The following PECAM1 variants were observed in gnomAD, a reference collection of about 807,000 sequenced individuals.
PECAM1 encodes the protein platelet and endothelial cell adhesion molecule 1.
A neutral mutation model predicts 13.8 loss-of-function variants in PECAM1; 8 were observed. That is an observed-to-expected ratio of 0.58 (90% CI 0.34 to 1.05). The LOEUF (loss-of-function observed/expected upper bound fraction) is 1.05, where lower values mean the gene tolerates loss of function less well. Ranked by LOEUF, PECAM1 falls within the 50% of genes least tolerant of loss-of-function variation. The probability of loss-of-function intolerance (pLI) is 0.03; values close to 1 mark genes in which losing one functional copy is unlikely to be tolerated. For synonymous variants in PECAM1, 136 were observed against 52.6 expected (o/e 2.58, Z -6.86); for missense variants, 304 against 141.2 (o/e 2.15, Z -5.84).
Position 64,321,883 on chromosome 17 carries a change from A to T in PECAM1, c.*1933T>A, listed in dbSNP as rs1555644473. 1.5e-6 allele frequency: 2 copies of T among 1,349,718 alleles called. No individual in the cohort carries two copies. The highest frequency in any genetic ancestry group is 4.6e-5 in the East Asian group (1 of 21,886). The allele number at this position is 1,349,718 out of a possible 1,614,324, so 83.6% of individuals were successfully genotyped here. On this transcript the variant is annotated 3_prime_UTR_variant, in exon 16 of 16. Coordinates refer to ENST00000563924, the MANE Select transcript of PECAM1 (RefSeq NM_000442.5). ...CTCTGGTGGTGGCAAGGGACTAAGGAACTCCCTGGACACAGGGGATCTGGC... is the reference window on the plus strand; with the variant it reads ...CTCTGGTGGTGGCAAGGGACTAAGGTACTCCCTGGACACAGGGGATCTGGC...
At chr17:64,380,537 C>A (rs2036460578) in intron 2 of PECAM1, among the ~76,000 whole-genome samples, 1 of 152,172 alleles carries the variant, frequency 6.6e-6, no homozygotes, top group African/African-American at 2.4e-5. Flanking sequence ...GTCTGGTATG[C>A]TTTCTTAGCC....
chr17:64,346,908 G>A, intron 13 of PECAM1, among the ~76,000 whole-genome samples: 1 of 152,180 alleles, frequency 6.6e-6, no homozygotes, highest in East Asian at 1.9e-4. Flanking sequence ...CTTGAAACAT[G>A]CATTTGATTG....
Position 64,348,246 on chromosome 17 carries a change from C to G in PECAM1, c.2107+14G>C. 1 of 475,152 alleles carries G rather than the reference C, an allele frequency of 2.1e-6. No individual in the cohort carries two copies. The highest frequency in any genetic ancestry group is 3.9e-6 in the Non-Finnish European group (1 of 258,978). The allele number at this position is 475,152 out of a possible 1,614,324, so 29.4% of individuals were successfully genotyped here. ...CAAAGGCAATGCCTGGGGACTCACT[C>G]GAGTGGCACTTACCTTTGTGAGACT... On this transcript the variant is annotated intron_variant, in intron 13 of 15. Transcript: ENST00000563924.
chr17:64,334,412 G>T (rs2035212850), intron 14 of PECAM1, among the ~76,000 whole-genome samples: 1 of 152,170 alleles, frequency 6.6e-6, no homozygotes, highest in Non-Finnish European at 1.5e-5. Context: ...AATGCTGCAT[G>T]CTAGAAGATG....
chr17:64,345,761 G>A (rs1342918353), intron 13 of PECAM1, among the ~76,000 whole-genome samples: 15 of 150,844 alleles, frequency 9.9e-5, no homozygotes, highest in Admixed American at 4.6e-4. Context: ...GGCCTGCCGC[G>A]TTCCCCACCC....
At chr17:64,346,891 T>C (rs2143756135) in intron 13 of PECAM1, among the ~76,000 whole-genome samples, 1 of 152,192 alleles carries the variant, frequency 6.6e-6, no homozygotes, top group East Asian at 1.9e-4. Flanking sequence ...GGCAAAGCAC[T>C]CGATATCTTG....
At chr17:64,353,686 T>C (rs1372412306) in intron 9 of PECAM1, among the ~76,000 whole-genome samples, 168 bp from the exon 10 acceptor site, 1 of 152,134 alleles carries the variant, frequency 6.6e-6, no homozygotes, top group Non-Finnish European at 1.5e-5. Flanking sequence ...TCTTTTCAGC[T>C]ACGTTTGACT....
At chr17:64,371,649 G>A (rs1198386735) in intron 4 of PECAM1, among the ~76,000 whole-genome samples, 2 of 152,174 alleles carry the variant, frequency 1.3e-5, no homozygotes, top group African/African-American at 2.4e-5. Flanking sequence ...GGCCAAGATG[G>A]TGAAACCCCG....
chr17:64,323,730 G>A lies in PECAM1; in HGVS notation c.*86C>T, dbSNP rs958002615. ...GGGAGCAGGGCAGGTTCATAAATAA[G>A]TGCACAGAGGTCTTGAAATACAGGG... On this transcript the variant is annotated 3_prime_UTR_variant, in exon 16 of 16. Coordinates refer to ENST00000563924, the MANE Select transcript of PECAM1 (RefSeq NM_000442.5). 35 of 1,412,376 alleles carry A rather than the reference G, an allele frequency of 2.5e-5. No individual in the cohort carries two copies. Among genetic ancestry groups the A allele is most frequent in the Middle Eastern group, 1.7e-4 (1 of 5,752 alleles). 87.5% of individuals were successfully genotyped at this position (1,412,376 alleles called of 1,614,324 possible).
intron 15 of PECAM1, among the ~76,000 whole-genome samples, chr17:64,327,685 T>G (rs180992542): frequency 6.6e-6 from 1 of 152,256 alleles, no homozygotes; most frequent in East Asian, 1.9e-4. Flanking sequence ...ACACACACAA[T>G]TTATAAACAA....
At chr17:64,362,655 A>AAAAT (rs112469980) in intron 6 of PECAM1, among the ~76,000 whole-genome samples, 9,382 of 150,618 alleles carry the variant, frequency 0.062, 990 homozygotes, top group African/African-American at 0.22. Context: ...GCATCTCAAA[A>AAAAT]AAATAAATAA....
At chr17:64,361,129 A>ATGTGTGTGTGTG (rs145637288) in intron 6 of PECAM1, among the ~76,000 whole-genome samples, 4,536 of 137,172 alleles carry the variant, frequency 0.033, 240 homozygotes, top group African/African-American at 0.11. Context: ...CTGAGCATAT[A>ATGTGTGTGTGTG]TGTGTGTGTG....
At chr17:64,354,491 G>A (rs1290862375) in intron 9 of PECAM1, among the ~76,000 whole-genome samples, 3 of 152,128 alleles carry the variant, frequency 2.0e-5, no homozygotes, top group Admixed American at 6.6e-5. Flanking sequence ...CTGATGCTCT[G>A]CCCTTTTCCT....
In PECAM1 at chr17:64,323,588, G is replaced by A; in HGVS notation, c.*228C>T. ...ATTTCCAAGGATGTTCCAACTTGGT[G>A]GAAGGAGGGTATGTGGGAAATTCAA... On this transcript the variant is annotated 3_prime_UTR_variant, in exon 16 of 16. Transcript: ENST00000563924. 7.0e-7 allele frequency: 1 copy of A among 1,423,788 alleles called. No homozygotes were observed. Among genetic ancestry groups the A allele is most frequent in the Non-Finnish European group, 9.2e-7 (1 of 1,092,382 alleles). 88.2% of individuals were successfully genotyped at this position (1,423,788 alleles called of 1,614,324 possible). A position where few individuals can be genotyped will look rare whatever the true frequency, so the allele number is the denominator to read the frequency against.
Position 64,323,215 on chromosome 17 carries a change from G to C in PECAM1, c.*601C>G, listed in dbSNP as rs6808. On this transcript the variant is annotated 3_prime_UTR_variant, in exon 16 of 16. Transcript: ENST00000563924. ...TGTTTTGTGCGTTGCCTGAATGAACGGTGTCTTCAGGTTGGTATTTCACAG... is the reference window on the plus strand; with the variant it reads ...TGTTTTGTGCGTTGCCTGAATGAACCGTGTCTTCAGGTTGGTATTTCACAG... The C allele has an allele frequency of 0.52, 508,905 of 987,206 alleles. 132,253 individuals carry two copies. The highest frequency in any genetic ancestry group is 0.69 in the East Asian group (6,049 of 8,806). 61.2% of individuals were successfully genotyped at this position (987,206 alleles called of 1,614,324 possible). A position where few individuals can be genotyped will look rare whatever the true frequency, so the allele number is the denominator to read the frequency against.
chr17:64,330,275 TC>T, intron 14 of PECAM1, among the ~76,000 whole-genome samples: 1 of 152,246 alleles, frequency 6.6e-6, no homozygotes, highest in South Asian at 2.1e-4. Context: ...AACCCTGGCC[TC>T]CCAAAGTGCT....
At chr17:64,387,855 C>A (rs2036631531) in intron 2 of PECAM1, among the ~76,000 whole-genome samples, 1 of 152,116 alleles carries the variant, frequency 6.6e-6, no homozygotes, top group East Asian at 1.9e-4. Context: ...GGGAAAGGGC[C>A]GAGGCTGTCC....
chr17:64,373,145 A>AAAT (rs1356041951), intron 4 of PECAM1, among the ~76,000 whole-genome samples: 41 of 138,232 alleles, frequency 3.0e-4, no homozygotes, highest in African/African-American at 1.3e-3. Context: ...ATAAATAAAT[A>AAAT]AAAAAAAAAG....
chr17:64,350,328 T>G (rs2035689385), intron 12 of PECAM1, 52 bp downstream of exon 12: 1 of 409,998 alleles, frequency 2.4e-6, no homozygotes, highest in Non-Finnish European at 4.5e-6. Flanking sequence ...CTATGAGTCT[T>G]TTTTTTAATG....
Sources: allele counts gnomAD v4.1 joint callset (sites outside exome capture counted in the v4.1 genomes callset), GRCh38; gene constraint gnomAD v4.1.1; transcripts MANE v1.5; gene names NCBI Gene and HGNC (gene_info 2026-07-23, HGNC 2026-07-21).